Variants in LURAP1L observed in about 807,000 individuals in gnomAD.
LURAP1L encodes leucine rich adaptor protein 1-like.
Under a neutral mutation model 13.8 loss-of-function variants are expected in LURAP1L, and 12 were observed. That is an observed-to-expected ratio of 0.87 (90% confidence interval 0.56 to 1.41). The LOEUF (loss-of-function observed/expected upper bound fraction) is 1.41. Ranked by LOEUF, LURAP1L falls within the 40% of genes most tolerant of loss-of-function variation. LURAP1L has a pLI of 0.00. For missense variants in LURAP1L, 375 were observed against 292.9 expected (o/e 1.28, Z -2.04); for synonymous variants, 139 against 119.2 (o/e 1.17, Z -1.08).
intron 1 of LURAP1L, among the ~76,000 whole-genome samples, chr9:12,820,917 G>A (rs59559321): frequency 0.088 from 13,416 of 152,126 alleles, 709 homozygotes; most frequent in South Asian, 0.23. Flanking sequence ...TTTTATGATG[G>A]TGCTTGGCAC....
chr9:12,790,548 C>T (rs1188949174), intron 1 of LURAP1L: 1 of 151,678 alleles, frequency 6.6e-6, no homozygotes, highest in African/African-American at 2.4e-5. Flanking sequence ...AATATATTTC[C>T]CCTGTCTATT....
chr9:12,795,476 A>G (rs1819500313), intron 1 of LURAP1L, among the ~76,000 whole-genome samples: 1 of 152,072 alleles, frequency 6.6e-6, no homozygotes, highest in African/African-American at 2.4e-5. Context: ...GAAAGTGATT[A>G]GAGAAATAGG....
chr9:12,788,142 G>GA (rs1253927682), intron 1 of LURAP1L, among the ~76,000 whole-genome samples: 1 of 37,890 alleles, frequency 2.6e-5, no homozygotes, highest in Non-Finnish European at 5.0e-5. Context: ...AGGAAAGAAA[G>GA]AGAAAGAAGA....
chr9:12,785,834 G>T (rs1819342798), intron 1 of LURAP1L, among the ~76,000 whole-genome samples: 1 of 152,090 alleles, frequency 6.6e-6, no homozygotes. Flanking sequence ...TACTATGATT[G>T]TTCACCTGAT....
In LURAP1L at chr9:12,804,102, A is replaced by AT. The variant is rs559546316; in HGVS notation, c.313-17277dup. Among the ~76,000 whole-genome samples, 446 of 152,170 alleles carry AT rather than the reference A, an allele frequency of 2.9e-3. 4 individuals carry two copies. The highest frequency in any genetic ancestry group is 9.9e-3 in the African/African-American group (409 of 41,518). On this transcript the variant is annotated intron_variant, in intron 1 of 1. Transcript: ENST00000319264. Reference sequence around the variant, plus strand: ...ATGTATTTAATAAATTCAGTGTATGATTTTTTTCCTGTGCAATAGGGTGGC... The same window carrying AT: ...ATGTATTTAATAAATTCAGTGTATGATTTTTTTTCCTGTGCAATAGGGTGGC...
chr9:12,785,163 G>T (rs1819332361), intron 1 of LURAP1L, among the ~76,000 whole-genome samples: 1 of 152,152 alleles, frequency 6.6e-6, no homozygotes, highest in Non-Finnish European at 1.5e-5. Context: ...TGTTGTCCGG[G>T]AGCTAGGGCC....
At chr9:12,804,662 CA>C (rs895800751) in intron 1 of LURAP1L, among the ~76,000 whole-genome samples, 2 of 151,488 alleles carry the variant, frequency 1.3e-5, no homozygotes, top group Non-Finnish European at 2.9e-5. Context: ...TTGATTCTAT[CA>C]AAAAAATTTT....
chr9:12,785,122 C>T (rs950531317), intron 1 of LURAP1L, among the ~76,000 whole-genome samples: 1 of 152,108 alleles, frequency 6.6e-6, no homozygotes, highest in East Asian at 1.9e-4. Context: ...CAGCGGGTTC[C>T]CTTCTGGCCC....
chr9:12,800,307 C>G (rs550403652), intron 1 of LURAP1L, among the ~76,000 whole-genome samples: 5 of 152,148 alleles, frequency 3.3e-5, no homozygotes, highest in African/African-American at 1.2e-4. Context: ...TAATGTATAC[C>G]ACTTTTTGGA....
intron 1 of LURAP1L, among the ~76,000 whole-genome samples, chr9:12,808,786 T>C (rs1286916584): frequency 1.3e-5 from 2 of 152,222 alleles, no homozygotes; most frequent in African/African-American, 4.8e-5. Context: ...TTCTCAGTAA[T>C]TGTTGCTTTA....
intron 1 of LURAP1L, among the ~76,000 whole-genome samples, chr9:12,779,266 C>CTTTTTTTTTTT (rs71329885): frequency 1.1e-5 from 1 of 90,258 alleles, no homozygotes; most frequent in Non-Finnish European, 2.1e-5. Context: ...ATCTTATAAT[C>CTTTTTTTTTTT]TTTTTTTTTT....
In LURAP1L at chr9:12,822,719, A is replaced by G. The variant is rs1049152658; in HGVS notation, c.*959A>G. On this transcript the variant is annotated 3_prime_UTR_variant, in exon 2 of 2. Coordinates refer to ENST00000319264, the MANE Select transcript of LURAP1L (RefSeq NM_203403.2). ...TAATATGATATACATTCATCCTAGT[A>G]TAAATAAATAATCTCTAAGTTTTCT... is the stretch of plus-strand genomic sequence containing the variant. 6.6e-6 allele frequency among the ~76,000 whole-genome samples: 1 copy of G among 152,178 alleles called. No individual in the cohort carries two copies. Among genetic ancestry groups the G allele is most frequent in the African/African-American group, 2.4e-5 (1 of 41,450 alleles).
chr9:12,801,147 G>T (rs1241059791), intron 1 of LURAP1L, among the ~76,000 whole-genome samples: 1 of 152,086 alleles, frequency 6.6e-6, no homozygotes, highest in African/African-American at 2.4e-5. Flanking sequence ...CCAGTGAGTT[G>T]TATAAGCAGA....
rs1052395072 is a variant in LURAP1L at position 12,793,177 on chromosome 9, A to G, written c.312+17150A>G. Among the ~76,000 whole-genome samples the G allele has an allele frequency of 3.9e-5, 6 of 152,076 alleles. No homozygotes were observed. The East Asian group carries it at 1.2e-3, about 29-fold the overall frequency. On this transcript the variant is annotated intron_variant, in intron 1 of 1. Transcript: ENST00000319264. ...ACTCTGTCTCATCCCCCTCCCTCCAATTATCATCCTTCAGTAGCCTGAGAA... is the reference window on the plus strand; with the variant it reads ...ACTCTGTCTCATCCCCCTCCCTCCAGTTATCATCCTTCAGTAGCCTGAGAA...
At chr9:12,790,546 T>A (rs1239726046) in intron 1 of LURAP1L, 1 of 151,752 alleles carries the variant, frequency 6.6e-6, no homozygotes. Flanking sequence ...AAAATATATT[T>A]CCCCTGTCTA....
At chr9:12,811,031 T>C (rs1380814592) in intron 1 of LURAP1L, among the ~76,000 whole-genome samples, 5 of 152,166 alleles carry the variant, frequency 3.3e-5, no homozygotes, top group Admixed American at 3.3e-4. Context: ...TACAGGTCTT[T>C]TATAAAAAAA....
intron 1 of LURAP1L, among the ~76,000 whole-genome samples, chr9:12,797,437 T>G (rs1819524746): frequency 6.6e-6 from 1 of 152,172 alleles, no homozygotes; most frequent in South Asian, 2.1e-4. Context: ...CTTATATTTC[T>G]GAATCAGATG....
rs745336606 is a variant in LURAP1L at position 12,775,851 on chromosome 9, A to AGCG, written c.138_140dup (p.Gly55dup). 4.7e-6 allele frequency: 6 copies of AGCG among 1,266,706 alleles called. No homozygotes were observed. Among genetic ancestry groups the AGCG allele is most frequent in the African/African-American group, 1.8e-5 (1 of 56,090 alleles). 78.5% of individuals were successfully genotyped at this position (1,266,706 alleles called of 1,614,324 possible). The stretch of plus-strand genomic sequence containing the variant: ...AAGGGACAGGGACCCCTGCGGGGGG[A>AGCG]GCGGTGGTGGTGGCGGCGGCGGCGG... On this transcript the variant is annotated inframe_insertion, in exon 1 of 2. Coordinates refer to ENST00000319264, the MANE Select transcript of LURAP1L (RefSeq NM_203403.2).
At position 12,821,860 on chromosome 9, in the gene LURAP1L, C is replaced by T. The variant is rs1445251523; in HGVS notation, c.*100C>T. 5 of 1,416,220 alleles carry T rather than the reference C, an allele frequency of 3.5e-6. No homozygotes were observed. In the South Asian group the frequency reaches 5.6e-5, roughly 16 times the overall value. 87.7% of individuals were successfully genotyped at this position (1,416,220 alleles called of 1,614,324 possible). On this transcript the variant is annotated 3_prime_UTR_variant, in exon 2 of 2. Transcript: ENST00000319264. ...GTGATTTTTATTTTAATAAGATGAC[C>T]TTTTTAAAAGAAGCTGATTTTGAAA... is the stretch of plus-strand genomic sequence containing the variant.
Sources: gnomAD v4.1 joint callset for allele counts (sites outside exome capture counted in the v4.1 genomes callset) on GRCh38, gnomAD v4.1.1 for gene constraint, MANE v1.5 for transcripts, NCBI Gene and HGNC (gene_info 2026-07-23, HGNC 2026-07-21) for gene names.